PLEC: variants seen among roughly 807,000 people sequenced by gnomAD.
The protein encoded by PLEC is hemidesmosomal protein 1.
Under a neutral mutation model 392.8 loss-of-function variants are expected in PLEC, and 216 were observed. The ratio of observed to expected loss-of-function variants is 0.55; its 90% CI spans 0.49 to 0.62. The LOEUF (loss-of-function observed/expected upper bound fraction) is 0.62, where lower values mean the gene tolerates loss of function less well. PLEC is among the 20% of genes least tolerant of loss of function. The pLI is 0.00. For missense variants in PLEC, 6,863 were observed against 6,563.4 expected, an observed-to-expected ratio of 1.05 and a Z score of -1.58; for synonymous variants, 3,621 against 2,980.6, an observed-to-expected ratio of 1.21 and a Z score of -7.00.
chr8:143,957,064 G>A (rs1047133078), upstream of PLEC, among the ~76,000 whole-genome samples: 3 of 152,192 alleles, frequency 2.0e-5, no homozygotes, highest in East Asian at 1.9e-4. Flanking sequence ...GGCTGCAGCC[G>A]GGAGGGGGGC....
rs202153947 is a variant in PLEC, at chr8:143,916,750, G to A, written c.13071C>T (p.Cys4357=). 2.8e-4 allele frequency: 444 copies of A among 1,613,236 alleles called. No homozygotes were observed. The highest frequency in any genetic ancestry group is 3.1e-4 in the Non-Finnish European group (367 of 1,179,978). ...DRINLAQKAF[C]GFEDPRTKTK... ...TCTTGGTGCGTGGGTCCTCGAAGCC[G>A]CAGAAGGCCTTCTGGGCCAGGTTGA... The change falls in exon 32 of 32, where the codon TGC becomes TGT. Residue 4357 remains cysteine (C), a synonymous_variant. Transcript: ENST00000345136.
In PLEC at chr8:143,916,529, T is replaced by G; in HGVS notation, c.13292A>C (p.Tyr4431Ser). 6.2e-7 allele frequency: 1 copy of G among 1,611,466 alleles called. No homozygotes were observed. The highest frequency in any genetic ancestry group is 2.2e-5 in the East Asian group (1 of 44,766). The change falls in exon 32 of 32, where the codon TAC (tyrosine) becomes TCC (serine). Residue 4431 changes from tyrosine to serine, a missense_variant. Physicochemically the swap from Tyr to Ser is moderately radical, Grantham distance 144. Transcript: ENST00000345136. ...CTTAGGGCAGGTGAGGTACTTGGAG[T>G]AGGCGCCCACGTCACGCAGCTTCTG... ...TAQKLRDVGAYSKYLTCPKTK... is the reference protein window; with the variant it reads ...TAQKLRDVGASSKYLTCPKTK...
rs781808958 is a variant in PLEC at position 143,919,744 on chromosome 8, G to T, written c.10077C>A (p.Gly3359=). 2.5e-6 allele frequency: 4 copies of T among 1,608,830 alleles called. No individual in the cohort carries two copies. The Admixed American group carries it at 5.0e-5, about 20-fold the overall frequency. The change falls in exon 32 of 32, where the codon GGC becomes GGA. Residue 3359 remains glycine (G), a synonymous_variant. Transcript: ENST00000345136. ...TCTCCTTGGTGTCCTCCAGGTAGAT[G>T]CCGGCGAGGCAGCCACTGCCCTGCA... ...TLLQGSGCLA[G]IYLEDTKEKV...
chr8:143,941,485 TC>T (rs1830439015), upstream of PLEC, among the ~76,000 whole-genome samples: 1 of 151,818 alleles, frequency 6.6e-6, no homozygotes, highest in Non-Finnish European at 1.5e-5. Context: ...AGACACGGAC[TC>T]GGGCAAGGCT....
At chr8:143,959,900 G>C (rs1163692150) in intron 1 of PLEC, among the ~76,000 whole-genome samples, 1 of 152,176 alleles carries the variant, frequency 6.6e-6, no homozygotes, top group Admixed American at 6.5e-5. Flanking sequence ...GGAGGCTGAG[G>C]CAGGAGAAGT....
chr8:143,973,321 G>A lies in PLEC; in HGVS notation c.70+82C>T. 6.6e-7 allele frequency: 1 copy of A among 1,505,644 alleles called. No homozygotes were observed. Among genetic ancestry groups the A allele is most frequent in the Non-Finnish European group, 9.0e-7 (1 of 1,115,914 alleles). The allele number at this position is 1,505,644 out of a possible 1,614,324, so 93.3% of individuals were successfully genotyped here. A position where few individuals can be genotyped will look rare whatever the true frequency, so the allele number is the denominator to read the frequency against. Reference sequence around the variant, plus strand: ...GTGGCCGCGCTCGGGCCGGCGATCGGGACCGCCACCGTGGACGACAAGGTG... The same window carrying A: ...GTGGCCGCGCTCGGGCCGGCGATCGAGACCGCCACCGTGGACGACAAGGTG... On this transcript the variant is annotated intron_variant, in intron 1 of 31. Transcript: ENST00000356346. This position sits in a 1 kb window ranked among gnomAD's most constrained non-coding sequence, Gnocchi z 5.6.
At chr8:143,959,568 C>T (rs1832769766) in intron 1 of PLEC, among the ~76,000 whole-genome samples, 1 of 152,262 alleles carries the variant, frequency 6.6e-6, no homozygotes, top group African/African-American at 2.4e-5. Context: ...AAGTTCCCGT[C>T]AGACAGCGAG....
upstream of PLEC, among the ~76,000 whole-genome samples, chr8:143,944,128 C>A (rs1402447789): frequency 6.6e-6 from 1 of 152,114 alleles, no homozygotes; most frequent in Non-Finnish European, 1.5e-5. Context: ...GCTCCCCACC[C>A]GGCCGGCTCA....
intron 17 of PLEC, 40 bp downstream of exon 17, chr8:143,932,089 CG>C: frequency 6.4e-7 from 1 of 1,570,086 alleles, no homozygotes; most frequent in South Asian, 1.1e-5. Context: ...GGACCCGGCA[CG>C]GCCCCCCCCG....
Position 143,915,996 on chromosome 8 carries a change from C to G in PLEC, c.*181G>C. 4 of 510,706 alleles carry G rather than the reference C, an allele frequency of 7.8e-6. No individual in the cohort carries two copies. The South Asian group carries it at 1.1e-4, about 14-fold the overall frequency. The allele number at this position is 510,706 out of a possible 1,614,324, so 31.6% of individuals were successfully genotyped here. A position where few individuals can be genotyped will look rare whatever the true frequency, so the allele number is the denominator to read the frequency against. On this transcript the variant is annotated 3_prime_UTR_variant, in exon 32 of 32. Transcript: ENST00000345136. Reference sequence around the variant, plus strand: ...GGCGGCCAGCAGGGCTGGGCCAGCCCTGTCCCCCAAGATACAGGCTGTCTG... The same window carrying G: ...GGCGGCCAGCAGGGCTGGGCCAGCCGTGTCCCCCAAGATACAGGCTGTCTG...
chr8:143,930,097 G>A (rs782465619), intron 21 of PLEC, 35 bp from the exon 22 acceptor site: 52 of 1,602,332 alleles, frequency 3.2e-5, no homozygotes, highest in East Asian at 4.5e-5. Flanking sequence ...CGTCACCAGC[G>A]CCCCACCCGC....
chr8:143,916,588 G>C lies in PLEC; in HGVS notation c.13233C>G (p.Ala4411=). ...DTPGRVPLDE[A]LQRGTVDART... ...GGGCGTCCACCGTGCCGCGCTGCAG[G>C]GCCTCGTCCAGGGGCACGCGGCCCG... is the stretch of plus-strand genomic sequence containing the variant. The change falls in exon 32 of 32, where the codon GCC becomes GCG. Residue 4411 remains alanine (A), a synonymous_variant. Transcript: ENST00000345136. The C allele has an allele frequency of 6.2e-7, 1 of 1,611,262 alleles. No individual in the cohort carries two copies. Among genetic ancestry groups the C allele is most frequent in the Non-Finnish European group, 8.5e-7 (1 of 1,179,470 alleles).
rs554586153 is a variant in PLEC, at chr8:143,922,673, C to T, written c.7256G>A (p.Arg2419His). The change falls in exon 31 of 32, where the codon CGC becomes CAC. Residue 2419 changes from arginine (R) to histidine (H), a missense_variant. Transcript: ENST00000345136. ...CTTCTCCTGGGTGGCGAGCTCCGTG[C>T]GGTGCAGCTTCTCACCGATCTCCTC... is the stretch of plus-strand genomic sequence containing the variant. ...QAEEIGEKLH[R>H]TELATQEKVT... 9 of 1,613,174 alleles carry T rather than the reference C, an allele frequency of 5.6e-6. No individual in the cohort carries two copies. The highest frequency in any genetic ancestry group is 4.4e-5 in the South Asian group (4 of 90,934).
chr8:143,973,506 C>A lies in PLEC; in HGVS notation c.-34G>T. ...GCGCGGGGCGCGGGGTGCAGCGGAG[C>A]CTCCAGCACCCGGCGGCCACTCTGT... On this transcript the variant is annotated 5_prime_UTR_variant, in exon 1 of 32. Transcript: ENST00000356346. This position sits in a 1 kb window ranked among gnomAD's most constrained non-coding sequence, Gnocchi z 5.6. 7.3e-7 allele frequency: 1 copy of A among 1,367,670 alleles called. No individual in the cohort carries two copies. The highest frequency in any genetic ancestry group is 1.6e-5 in the South Asian group (1 of 61,130). 84.7% of individuals were successfully genotyped at this position (1,367,670 alleles called of 1,614,324 possible). A position where few individuals can be genotyped will look rare whatever the true frequency, so the allele number is the denominator to read the frequency against.
Position 143,973,467 on chromosome 8 carries a change from G to A in PLEC, c.6C>T (p.Ala2=). ...AGTCCTGCTCGTCGGGCAGCGGGCC[G>A]GCCATGCCGGCGGGCGCGGGGCGCG... Residue 2 remains alanine, a synonymous_variant, in exon 1 of 32, where the codon GCC becomes GCT. Transcript: ENST00000356346. This position sits in a 1 kb window ranked among gnomAD's most constrained non-coding sequence, Gnocchi z 5.6. The A allele has an allele frequency of 6.6e-7, 1 of 1,511,438 alleles. No homozygotes were observed. Among genetic ancestry groups the A allele is most frequent in the East Asian group, 2.8e-5 (1 of 35,986 alleles). 93.6% of individuals were successfully genotyped at this position (1,511,438 alleles called of 1,614,324 possible). A position where few individuals can be genotyped will look rare whatever the true frequency, so the allele number is the denominator to read the frequency against.
upstream of PLEC, among the ~76,000 whole-genome samples, chr8:143,953,409 G>A (rs1481436386): frequency 6.6e-6 from 1 of 152,048 alleles, no homozygotes; most frequent in Non-Finnish European, 1.5e-5. Context: ...GGCTGACCCT[G>A]CTGTGAAGGC....
chr8:143,954,332 TTCCCCGGGCGTCTCGCC>T (rs1832471236), upstream of PLEC, among the ~76,000 whole-genome samples: 1 of 116,838 alleles, frequency 8.6e-6, no homozygotes, highest in Non-Finnish European at 1.8e-5. The surrounding 1 kb of genome is among the most constrained non-coding windows in gnomAD (Gnocchi z 4.6). Context: ...AGTGTGCCCC[TTCCCCGGGCGTCTCGCC>T]TCTGCGCAGC....
intron 1 of PLEC, among the ~76,000 whole-genome samples, chr8:143,971,573 C>T (rs1250473880): frequency 1.3e-5 from 2 of 152,170 alleles, no homozygotes; most frequent in African/African-American, 4.8e-5. Flanking sequence ...CTCCTGCAGG[C>T]CCTCCTCAGC....
rs782453907 is a variant in PLEC, at chr8:143,921,768, G to A, written c.8053C>T (p.Arg2685Trp). Reference protein sequence around the residue: ...GHTTVDELARREDVRHYLQGR... With the variant: ...GHTTVDELARWEDVRHYLQGR... ...TGCAGGTAGTGGCGCACGTCTTCCCGCCGTGCGAGCTCGTCCACCGTGGTG... is the reference window on the plus strand; with the variant it reads ...TGCAGGTAGTGGCGCACGTCTTCCCACCGTGCGAGCTCGTCCACCGTGGTG... The change falls in exon 32 of 32, where the codon CGG becomes TGG. Residue 2685 changes from arginine to tryptophan, a missense_variant. By Grantham distance (101) the Arg-to-Trp change is moderately radical (BLOSUM62 -3). Transcript: ENST00000345136. The A allele has an allele frequency of 2.7e-5, 43 of 1,611,824 alleles. No homozygotes were observed. Among genetic ancestry groups the A allele is most frequent in the Admixed American group, 8.3e-5 (5 of 60,000 alleles).
Sources: gnomAD v4.1 joint callset for allele counts (sites outside exome capture counted in the v4.1 genomes callset) on GRCh38, gnomAD v4.1.1 for gene constraint, Gnocchi (gnomAD v3.1) non-coding constraint, MANE v1.5 for transcripts, NCBI Gene and HGNC (gene_info 2026-07-23, HGNC 2026-07-21) for gene names.